The following XIRP2 variants were observed in gnomAD, a reference collection of about 807,000 sequenced individuals.
XIRP2 encodes xin actin-binding repeat-containing protein 2.
Under a neutral mutation model 277.0 loss-of-function variants are expected in XIRP2, and 236 were observed. The observed-to-expected ratio is 0.85, with a 90% CI of 0.77 to 0.95. The LOEUF is 0.95. Ranked by LOEUF, XIRP2 falls within the 40% of genes least tolerant of loss-of-function variation. XIRP2 has a pLI of 0.00. For synonymous variants in XIRP2, 1,490 were observed against 1,416.5 expected (o/e 1.05, Z -1.17); for missense variants, 4,640 against 4,157.5 (o/e 1.12, Z -3.19).
chr2:167,088,221 C>T (rs999080924), intron 2 of XIRP2, among the ~76,000 whole-genome samples: 28 of 152,088 alleles, frequency 1.8e-4, no homozygotes, highest in Middle Eastern at 3.2e-3. Context: ...ATGTATGCTC[C>T]TTTCCCTGCA....
chr2:167,012,906 C>G (rs1045907307), intron 2 of XIRP2, among the ~76,000 whole-genome samples: 3 of 151,252 alleles, frequency 2.0e-5, no homozygotes, highest in Non-Finnish European at 4.4e-5. Context: ...TTTGTTATTT[C>G]CAGTTCATCA....
intron 2 of XIRP2, among the ~76,000 whole-genome samples, chr2:167,002,508 G>T (rs1384860399): frequency 1.3e-5 from 2 of 151,842 alleles, no homozygotes; most frequent in Non-Finnish European, 2.9e-5. Context: ...AAGTTGAAAG[G>T]TTGGTAATTT....
chr2:166,907,219 C>A (rs1309367967), intron 2 of XIRP2, among the ~76,000 whole-genome samples: 1 of 152,082 alleles, frequency 6.6e-6, no homozygotes, highest in African/African-American at 2.4e-5. Flanking sequence ...GTGTAAGCAT[C>A]CTCTCAAATA....
chr2:167,034,413 G>T (rs1268360701), intron 2 of XIRP2, among the ~76,000 whole-genome samples: 1 of 151,638 alleles, frequency 6.6e-6, no homozygotes, highest in East Asian at 1.9e-4. Context: ...TCACAAAATG[G>T]CAGTAGTAAG....
At chr2:167,038,503 C>A (rs1318336874) in intron 2 of XIRP2, among the ~76,000 whole-genome samples, 4 of 151,694 alleles carry the variant, frequency 2.6e-5, no homozygotes, top group Non-Finnish European at 5.9e-5. Context: ...ACATTAAACT[C>A]TTGACCCAGA....
chr2:166,903,947 C>A, intron 2 of XIRP2, 57 bp downstream of exon 2: 1 of 1,545,768 alleles, frequency 6.5e-7, no homozygotes, highest in Non-Finnish European at 8.8e-7. Flanking sequence ...GCCTAGCCTA[C>A]CATTTATTAC....
At chr2:166,951,115 G>A (rs1686019646) in intron 2 of XIRP2, among the ~76,000 whole-genome samples, 1 of 152,042 alleles carries the variant, frequency 6.6e-6, no homozygotes, top group Non-Finnish European at 1.5e-5. Flanking sequence ...AGAATTGCGA[G>A]TTATTATTAC....
At chr2:166,937,959 TA>T (rs1264735074) in intron 2 of XIRP2, among the ~76,000 whole-genome samples, 1 of 152,206 alleles carries the variant, frequency 6.6e-6, no homozygotes, top group African/African-American at 2.4e-5. Context: ...TATCATTTTT[TA>T]TTGGGTCTAT....
intron 2 of XIRP2, among the ~76,000 whole-genome samples, chr2:167,056,793 C>T (rs1689047946): frequency 6.6e-6 from 1 of 152,094 alleles, no homozygotes; most frequent in Non-Finnish European, 1.5e-5. Flanking sequence ...CAGATGTCTC[C>T]TCCATATCCT....
Position 167,003,645 on chromosome 2 carries a change from C to G in XIRP2, c.408+99755C>G, listed in dbSNP as rs201451791. 2.6e-5 allele frequency among the ~76,000 whole-genome samples: 4 copies of G among 151,632 alleles called. No individual in the cohort carries two copies. In the East Asian group the frequency reaches 7.8e-4, roughly 29 times the overall value. ...TTTTTGAGTAATTGGAGAATTTGCT[C>G]CTAAAGAAAGTGACACAGAATGGTA... On this transcript the variant is annotated intron_variant, in intron 2 of 10. Coordinates refer to ENST00000409195, the MANE Select transcript of XIRP2 (RefSeq NM_152381.6).
At chr2:167,011,123 T>A (rs1387816828) in intron 2 of XIRP2, among the ~76,000 whole-genome samples, 1 of 149,396 alleles carries the variant, frequency 6.7e-6, no homozygotes, top group African/African-American at 2.4e-5. Flanking sequence ...ATAGGAGTGG[T>A]GAGAGAGGGC....
chr2:167,147,040 A>G (rs1303138899), intron 3 of XIRP2, among the ~76,000 whole-genome samples: 1 of 152,184 alleles, frequency 6.6e-6, no homozygotes, highest in African/African-American at 2.4e-5. Context: ...ATGAGGACAA[A>G]ATACACACAT....
At chr2:166,937,544 G>T (rs1685555110) in intron 2 of XIRP2, among the ~76,000 whole-genome samples, 1 of 152,126 alleles carries the variant, frequency 6.6e-6, no homozygotes. Flanking sequence ...AGGGATATTG[G>T]TCTAAAATTC....
intron 2 of XIRP2, among the ~76,000 whole-genome samples, chr2:167,125,503 C>T (rs1013478419): frequency 6.6e-6 from 1 of 152,166 alleles, no homozygotes; most frequent in African/African-American, 2.4e-5. Context: ...TACTTAAGCT[C>T]TCTAACATTA....
At chr2:167,073,641 T>C (rs1689489693) in intron 2 of XIRP2, among the ~76,000 whole-genome samples, 1 of 152,132 alleles carries the variant, frequency 6.6e-6, no homozygotes, top group South Asian at 2.1e-4. Context: ...CTGGTGTAAT[T>C]AGAGGCTTGA....
At chr2:166,895,677 A>T (rs1449113855) in intron 1 of XIRP2, among the ~76,000 whole-genome samples, 1 of 152,128 alleles carries the variant, frequency 6.6e-6, no homozygotes, top group African/African-American at 2.4e-5. Context: ...TTGGAATTGT[A>T]TTTTAACATA....
At chr2:166,977,604 G>A (rs2105428505) in intron 2 of XIRP2, among the ~76,000 whole-genome samples, 3 of 152,198 alleles carry the variant, frequency 2.0e-5, no homozygotes, top group South Asian at 4.1e-4. Flanking sequence ...ACTAAAAAGA[G>A]TAACAATGAA....
chr2:167,039,403 A>G (rs937977761), intron 2 of XIRP2, among the ~76,000 whole-genome samples: 7 of 152,258 alleles, frequency 4.6e-5, no homozygotes, highest in Non-Finnish European at 1.0e-4. Context: ...CATTAAAAAG[A>G]TGGAGAACCT....
At chr2:166,962,996 A>G (rs1185906082) in intron 2 of XIRP2, among the ~76,000 whole-genome samples, 11 of 151,666 alleles carry the variant, frequency 7.3e-5, no homozygotes, top group Non-Finnish European at 1.0e-4. Context: ...TCAAATAGCT[A>G]GGAGGAGGAT....
Sources: gnomAD v4.1 joint callset for allele counts (sites outside exome capture counted in the v4.1 genomes callset) on GRCh38, gnomAD v4.1.1 for gene constraint, MANE v1.5 for transcripts, NCBI Gene and HGNC (gene_info 2026-07-23, HGNC 2026-07-21) for gene names.